PRPF31: variants seen among roughly 807,000 people sequenced by gnomAD.
PRPF31 encodes pre-mRNA processing factor 31, also known as U4/U6 small nuclear ribonucleoprotein Prp31.
In PRPF31, 12 loss-of-function variants were observed where a neutral mutation model predicts 60.4. The ratio of observed to expected loss-of-function variants is 0.20; its 90% CI spans 0.13 to 0.32. The LOEUF is 0.32. PRPF31 is among the 10% of genes least tolerant of loss of function. PRPF31 has a pLI of 1.00. For missense variants in PRPF31, 431 were observed against 687.1 expected (o/e 0.63, Z 4.17); for synonymous variants, 287 against 287.9 (o/e 1.00, Z 0.03).
At chr19:54,118,668 C>T (rs2073711488) in intron 3 of PRPF31, 35 bp downstream of exon 3, 4 of 1,608,908 alleles carry the variant, frequency 2.5e-6, no homozygotes, top group African/African-American at 2.7e-5. Flanking sequence ...TCCCCATCTC[C>T]TGTCTCTCCT....
Position 54,128,396 on chromosome 19 carries a change from C to T in PRPF31, c.1146+19C>T, listed in dbSNP as rs777383920. 2.6e-6 allele frequency: 4 copies of T among 1,545,916 alleles called. No homozygotes were observed. Among genetic ancestry groups the T allele is most frequent in the Non-Finnish European group, 3.5e-6 (4 of 1,144,784 alleles). On this transcript the variant is annotated intron_variant, in intron 11 of 13. Transcript: ENST00000321030. ...CGGAGAGGTCAGACTCCCAGAGCGC[C>T]CTCCTCAACCCCACAGCCAGCCAGC...
chr19:54,117,683 CAAA>C (rs57949221), intron 1 of PRPF31, among the ~76,000 whole-genome samples: 2 of 80,480 alleles, frequency 2.5e-5, no homozygotes, highest in Non-Finnish European at 2.7e-5. Context: ...CTTGACTCTA[CAAA>C]AAAAAAAAAA....
intron 1 of PRPF31, among the ~76,000 whole-genome samples, chr19:54,117,441 C>T (rs1242772625): frequency 6.6e-6 from 1 of 152,130 alleles, no homozygotes; most frequent in Non-Finnish European, 1.5e-5. Flanking sequence ...AGTCACGGGC[C>T]ACCTGGAGCA....
intron 11 of PRPF31, among the ~76,000 whole-genome samples, chr19:54,128,778 G>A (rs587671149): frequency 6.6e-6 from 1 of 152,244 alleles, no homozygotes; most frequent in Non-Finnish European, 1.5e-5. Context: ...AACCTGTTCT[G>A]GTTCCTGACA....
rs143717956 is a variant in PRPF31, at chr19:54,122,601, G to C, written c.420+7G>C. On this transcript the variant is annotated splice_region_variant and intron_variant, in intron 5 of 13. Coordinates refer to ENST00000321030, the MANE Select transcript of PRPF31 (RefSeq NM_015629.4). Reference sequence around the variant, plus strand: ...TTACATCCGCACGGTCAAGGTGAGCGCAGAGAAGGTGGGGTGCTTCTGCTG... The same window carrying C: ...TTACATCCGCACGGTCAAGGTGAGCCCAGAGAAGGTGGGGTGCTTCTGCTG... 1 of 1,612,136 alleles carries C rather than the reference G, an allele frequency of 6.2e-7. No homozygotes were observed.
In PRPF31 at chr19:54,122,011, C is replaced by T; in HGVS notation, c.322+68C>T. 2.0e-6 allele frequency: 3 copies of T among 1,483,252 alleles called. No individual in the cohort carries two copies. In the South Asian group the frequency reaches 3.6e-5, roughly 18 times the overall value. 91.9% of individuals were successfully genotyped at this position (1,483,252 alleles called of 1,614,324 possible). On this transcript the variant is annotated intron_variant, in intron 4 of 13. Transcript: ENST00000321030. ...CCTCACGCCCCCTCTCCCTTCCCCA[C>T]TGGCCTTTCCCAGGGTCCTGCCCCT...
rs1238199955 is a variant in PRPF31, at chr19:54,129,106, T to A, written c.1196T>A (p.Leu399Gln). ...GACCTGGGATTCAGCCTGGGCCACC[T>A]GGGCAAGTCGGGCAGTGGGCGTGTG... Reference protein sequence around the residue: ...QEDLGFSLGHLGKSGSGRVRQ... With the variant: ...QEDLGFSLGHQGKSGSGRVRQ... The change falls in exon 12 of 14, where the codon CTG becomes CAG. Residue 399 changes from leucine to glutamine, a missense_variant. Physicochemically the swap from Leu to Gln is moderately radical, Grantham distance 113 (BLOSUM62 -2). Coordinates refer to ENST00000321030, the MANE Select transcript of PRPF31 (RefSeq NM_015629.4). 6 of 1,581,948 alleles carry A rather than the reference T, an allele frequency of 3.8e-6. No homozygotes were observed. Among genetic ancestry groups the A allele is most frequent in the Non-Finnish European group, 5.1e-6 (6 of 1,165,140 alleles).
intron 9 of PRPF31, among the ~76,000 whole-genome samples, chr19:54,127,087 T>C (rs140114703): frequency 9.5e-4 from 144 of 152,258 alleles, no homozygotes; most frequent in African/African-American, 3.4e-3. Flanking sequence ...ATCATTGCAC[T>C]CCAGCTTGGG....
intron 9 of PRPF31, among the ~76,000 whole-genome samples, chr19:54,127,524 C>G (rs1468179075): frequency 6.6e-6 from 1 of 152,106 alleles, no homozygotes; most frequent in Non-Finnish European, 1.5e-5. Flanking sequence ...CCCTGTGATT[C>G]TGGGAATTAG....
In PRPF31 at chr19:54,131,558, C is replaced by A; in HGVS notation, c.*126C>A. The stretch of plus-strand genomic sequence containing the variant: ...CCACTGGCCCCATTGCTGGGACTGC[C>A]CAGGGAGGAGGCCTTGGAAGAGTCC... On this transcript the variant is annotated 3_prime_UTR_variant, in exon 14 of 14. Transcript: ENST00000321030. 6.9e-7 allele frequency: 1 copy of A among 1,444,108 alleles called. No individual in the cohort carries two copies. Among genetic ancestry groups the A allele is most frequent in the Non-Finnish European group, 9.5e-7 (1 of 1,052,544 alleles). The allele number at this position is 1,444,108 out of a possible 1,614,324, so 89.5% of individuals were successfully genotyped here. A position where few individuals can be genotyped will look rare whatever the true frequency, so the allele number is the denominator to read the frequency against.
intron 3 of PRPF31, 114 bp downstream of exon 3, chr19:54,118,747 T>C (rs587707692): frequency 8.5e-6 from 9 of 1,060,772 alleles, no homozygotes; most frequent in Admixed American, 4.5e-5. Flanking sequence ...TCCAGAGCCT[T>C]CTTTTTTTTT....
At position 54,128,507 on chromosome 19, in the gene PRPF31, C is replaced by CT. The variant is rs1467996717; in HGVS notation, c.1146+130_1146+131insT. 53 of 946,564 alleles carry CT rather than the reference C, an allele frequency of 5.6e-5. 1 individual carries two copies. The highest frequency in any genetic ancestry group is 1.0e-4 in the South Asian group (7 of 69,992). The allele number at this position is 946,564 out of a possible 1,614,324, so 58.6% of individuals were successfully genotyped here. Reference sequence around the variant, plus strand: ...TCTAGGGCGCTGCCCCAGCCTCCCCCCCCCCGGCCTCTATTCTCGTTTCCA... The same window carrying CT: ...TCTAGGGCGCTGCCCCAGCCTCCCCCTCCCCCGGCCTCTATTCTCGTTTCCA... On this transcript the variant is annotated intron_variant, in intron 11 of 13. Transcript: ENST00000321030.
chr19:54,121,846 C>G lies in PRPF31; in HGVS notation c.239-14C>G. On this transcript the variant is annotated splice_polypyrimidine_tract_variant and intron_variant, in intron 3 of 13. Transcript: ENST00000321030. The stretch of plus-strand genomic sequence containing the variant: ...GATTTAGATACTCACACCCATGCCT[C>G]CGTGTCCTCACAGTGATGGGACCAG... The G allele has an allele frequency of 2.5e-6, 4 of 1,604,486 alleles. No homozygotes were observed. Among genetic ancestry groups the G allele is most frequent in the Non-Finnish European group, 3.4e-6 (4 of 1,175,564 alleles).
In PRPF31 at chr19:54,115,763, C is replaced by G; in HGVS notation, c.-43C>G. The G allele has an allele frequency of 3.9e-6, 1 of 259,328 alleles. No homozygotes were observed. 16.1% of individuals were successfully genotyped at this position (259,328 alleles called of 1,614,324 possible). ...AGAGTGAGACGTCATCGGTGAGCGA[C>G]TAACGCTAGAAACAGTGGTGCGCGG... is the stretch of plus-strand genomic sequence containing the variant. On this transcript the variant is annotated 5_prime_UTR_variant, in exon 1 of 14. Transcript: ENST00000321030.
chr19:54,118,620 C>T lies in PRPF31; in HGVS notation c.225C>T (p.Ala75=), dbSNP rs587774742. 6.2e-7 allele frequency: 1 copy of T among 1,614,086 alleles called. No individual in the cohort carries two copies. Among genetic ancestry groups the T allele is most frequent in the African/African-American group, 1.3e-5 (1 of 75,014 alleles). Residue 75 remains alanine (A), a synonymous_variant, in exon 3 of 14, where the codon GCC becomes GCT. Coordinates refer to ENST00000321030, the MANE Select transcript of PRPF31 (RefSeq NM_015629.4). ...TTGAGGAGTATATCAGCAAGCAAGC[C>T]AAAGCTTCAGAAGGTGCTTCCTCCC... ...MKIEEYISKQ[A]KASEVMGPVE... is the part of the protein sequence containing the mutation.
intron 13 of PRPF31, among the ~76,000 whole-genome samples, chr19:54,130,620 G>A (rs1377681993): frequency 6.8e-6 from 1 of 146,980 alleles, no homozygotes; most frequent in African/African-American, 2.5e-5. Context: ...GCCAGACTCT[G>A]TCTCAAAAAA....
intron 10 of PRPF31, 46 bp from the exon 11 acceptor site, chr19:54,128,256 GTCC>G: frequency 6.4e-7 from 1 of 1,557,542 alleles, no homozygotes; most frequent in Non-Finnish European, 8.7e-7. Flanking sequence ...AGAAGCCGGC[GTCC>G]TCCTCCCAGC....
chr19:54,123,639 C>T (rs587604997), intron 6 of PRPF31, 79 bp downstream of exon 6: 412 of 1,597,484 alleles, frequency 2.6e-4, no homozygotes, highest in Middle Eastern at 1.7e-3. Flanking sequence ...GGTGTACACA[C>T]GCACACACAC....
rs184900425 is a variant in PRPF31, at chr19:54,118,808, A to C, written c.238+175A>C. 3 of 600,766 alleles carry C rather than the reference A, an allele frequency of 5.0e-6. No homozygotes were observed. In the African/African-American group the frequency reaches 6.8e-5, roughly 14 times the overall value. The allele number at this position is 600,766 out of a possible 1,614,324, so 37.2% of individuals were successfully genotyped here. A position where few individuals can be genotyped will look rare whatever the true frequency, so the allele number is the denominator to read the frequency against. On this transcript the variant is annotated intron_variant, in intron 3 of 13. Coordinates refer to ENST00000321030, the MANE Select transcript of PRPF31 (RefSeq NM_015629.4). ...TCCACTAAATATATATTGCATTGTA[A>C]AGCTCATGCTTCTTAAGTCCTTCCT...
Sources: allele counts gnomAD v4.1 joint callset (sites outside exome capture counted in the v4.1 genomes callset), GRCh38; gene constraint gnomAD v4.1.1; transcripts MANE v1.5; gene names NCBI Gene and HGNC (gene_info 2026-07-23, HGNC 2026-07-21).